The following ESRRG variants were observed in gnomAD, a reference collection of about 807,000 sequenced individuals.
ESRRG encodes the protein estrogen-related receptor gamma.
A neutral mutation model predicts 44.0 loss-of-function variants in ESRRG; 13 were observed. The ratio of observed to expected loss-of-function variants is 0.30; its 90% CI spans 0.19 to 0.47. The LOEUF (loss-of-function observed/expected upper bound fraction) is 0.47. Among genes scored for constraint, ESRRG ranks in the 20% least tolerant of loss-of-function variants. The pLI, the probability that ESRRG is intolerant of heterozygous loss-of-function variation, is 1.00. For missense variants in ESRRG, 395 were observed against 580.6 expected (o/e 0.68, Z 3.29); for synonymous variants, 215 against 214.6 (o/e 1.00, Z -0.02).
intron 1 of ESRRG, among the ~76,000 whole-genome samples, chr1:216,701,033 G>A (rs914025564): frequency 6.6e-6 from 1 of 152,154 alleles, no homozygotes; most frequent in Non-Finnish European, 1.5e-5. Flanking sequence ...TTTGTCGGTT[G>A]AGGTAAGAAG....
chr1:217,116,753 C>A (rs896222401), intron 1 of ESRRG, among the ~76,000 whole-genome samples: 1 of 152,196 alleles, frequency 6.6e-6, no homozygotes, highest in African/African-American at 2.4e-5. Flanking sequence ...TTTCCCTCCT[C>A]TTTGAATACC....
At chr1:216,736,480 G>A (rs1283882811) in intron 2 of ESRRG, among the ~76,000 whole-genome samples, 1 of 152,070 alleles carries the variant, frequency 6.6e-6, no homozygotes, top group Non-Finnish European at 1.5e-5. Flanking sequence ...ACCATGCCTG[G>A]CCGTTAAGGA....
chr1:216,554,829 T>C (rs935423073), intron 5 of ESRRG, among the ~76,000 whole-genome samples: 25 of 149,928 alleles, frequency 1.7e-4, no homozygotes, highest in South Asian at 2.1e-4. Context: ...GGAAAATTCA[T>C]CATCAACAAG....
At chr1:217,052,563 G>A (rs1426011512) in intron 1 of ESRRG, among the ~76,000 whole-genome samples, 2 of 152,168 alleles carry the variant, frequency 1.3e-5, no homozygotes, top group African/African-American at 4.8e-5. Flanking sequence ...TAGGTGTTCA[G>A]AACCAGGAAT....
chr1:216,669,436 A>G (rs991407152), intron 2 of ESRRG, among the ~76,000 whole-genome samples: 2 of 152,254 alleles, frequency 1.3e-5, no homozygotes, highest in African/African-American at 4.8e-5. Context: ...ATATTTTACT[A>G]TTAAAATAAA....
In ESRRG at chr1:217,010,511, C is replaced by T. The variant is rs114040785; in HGVS notation, c.-105-70838G>A. ...AAATGAGGTGGCTGGCTCTGATTAC[C>T]ATTGTGATTTGCGGGTGTATTTATC... On this transcript the variant is annotated intron_variant, in intron 1 of 7. Coordinates refer to the ESRRG transcript ENST00000359162. Among the ~76,000 whole-genome samples, 478 of 152,192 alleles carry T rather than the reference C, an allele frequency of 3.1e-3. 4 individuals carry two copies. The highest frequency in any genetic ancestry group is 0.011 in the African/African-American group (455 of 41,534).
chr1:216,569,115 G>GGAAGGAAGGAAGGAA (rs2060244444), intron 3 of ESRRG, among the ~76,000 whole-genome samples: 2 of 110,066 alleles, frequency 1.8e-5, no homozygotes, highest in South Asian at 3.0e-4. Flanking sequence ...GAAGGAAGAA[G>GGAAGGAAGGAAGGAA]GAAGGAAGGA....
At chr1:217,069,067 C>T (rs1018056885) in intron 1 of ESRRG, among the ~76,000 whole-genome samples, 4 of 152,232 alleles carry the variant, frequency 2.6e-5, no homozygotes, top group South Asian at 4.1e-4. Context: ...CAGGGTGTTG[C>T]CAAAGGAAAT....
chr1:217,051,727 C>G (rs1273041650), intron 1 of ESRRG, among the ~76,000 whole-genome samples: 1 of 152,154 alleles, frequency 6.6e-6, no homozygotes, highest in Non-Finnish European at 1.5e-5. Context: ...TGCAAAACAA[C>G]TTATCCCATC....
intron 3 of ESRRG, among the ~76,000 whole-genome samples, chr1:216,603,790 T>C (rs868383161): frequency 6.6e-6 from 1 of 151,936 alleles, no homozygotes; most frequent in Non-Finnish European, 1.5e-5. Flanking sequence ...TAGCCAGGCA[T>C]GTTGGTGCAT....
chr1:217,080,383 T>A (rs934079225), intron 1 of ESRRG, among the ~76,000 whole-genome samples: 11 of 152,030 alleles, frequency 7.2e-5, no homozygotes, highest in Non-Finnish European at 1.3e-4. Context: ...GGTTTGGAGG[T>A]TATATGTGGC....
At chr1:216,982,030 T>C (rs2074058508) in intron 1 of ESRRG, among the ~76,000 whole-genome samples, 1 of 152,222 alleles carries the variant, frequency 6.6e-6, no homozygotes, top group Admixed American at 6.5e-5. Context: ...CATTTTCAGC[T>C]TGATGAATTC....
chr1:216,997,785 A>G (rs1293258289), intron 1 of ESRRG, among the ~76,000 whole-genome samples: 1 of 152,170 alleles, frequency 6.6e-6, no homozygotes, highest in Non-Finnish European at 1.5e-5. Context: ...CCACCATACA[A>G]TGCTAGCAAA....
chr1:216,773,672 G>A (rs559470649), intron 2 of ESRRG, among the ~76,000 whole-genome samples: 3 of 152,234 alleles, frequency 2.0e-5, no homozygotes, highest in Admixed American at 2.0e-4. Flanking sequence ...AAAGGATAGA[G>A]CTATCTTTTA....
chr1:216,640,318 T>C (rs1241225499), intron 3 of ESRRG, among the ~76,000 whole-genome samples: 1 of 152,136 alleles, frequency 6.6e-6, no homozygotes, highest in African/African-American at 2.4e-5. Flanking sequence ...TGCCAGCTAA[T>C]TGGCTTTGGG....
At chr1:216,664,174 A>G (rs957081073) in intron 2 of ESRRG, among the ~76,000 whole-genome samples, 2 of 152,114 alleles carry the variant, frequency 1.3e-5, no homozygotes, top group Non-Finnish European at 2.9e-5. Flanking sequence ...AAATCATTCA[A>G]TCTTTTAAAA....
At chr1:216,510,802 A>G (rs938937434) in intron 6 of ESRRG, among the ~76,000 whole-genome samples, 2 of 152,022 alleles carry the variant, frequency 1.3e-5, no homozygotes, top group Non-Finnish European at 1.5e-5. Flanking sequence ...TGAACCCGGG[A>G]GGCGGAGATG....
chr1:217,066,468 C>G (rs1055194422), intron 1 of ESRRG, among the ~76,000 whole-genome samples: 2 of 151,612 alleles, frequency 1.3e-5, no homozygotes, highest in African/African-American at 2.4e-5. Context: ...GTCTCGATCT[C>G]CTGACCTCGT....
intron 1 of ESRRG, among the ~76,000 whole-genome samples, chr1:216,944,720 G>C (rs2065794743): frequency 6.6e-6 from 1 of 152,180 alleles, no homozygotes; most frequent in African/African-American, 2.4e-5. Context: ...CCAGTCTAAT[G>C]TTCTACCAAC....
Sources: gnomAD v4.1 joint callset for allele counts (sites outside exome capture counted in the v4.1 genomes callset) on GRCh38, gnomAD v4.1.1 for gene constraint, MANE v1.5 for transcripts, NCBI Gene and HGNC (gene_info 2026-07-23, HGNC 2026-07-21) for gene names.